Variants in BCL2L1 observed in about 807,000 individuals in gnomAD.
BCL2L1 encodes BCL2 like 1.
In BCL2L1, 1 loss-of-function variant was observed where a neutral mutation model predicts 18.7. The observed-to-expected ratio is 0.05, with a 90% CI of 0.02 to 0.25. The LOEUF (loss-of-function observed/expected upper bound fraction) is 0.25, where lower values mean the gene tolerates loss of function less well. Ranked by LOEUF, BCL2L1 falls within the 10% of genes least tolerant of loss-of-function variation. The pLI is 1.00. For synonymous variants in BCL2L1, 103 were observed against 122.7 expected (o/e 0.84, Z 1.06); for missense variants, 207 against 304.9 (o/e 0.68, Z 2.39).
chr20:31,674,659 C>T (rs868002127), intron 2 of BCL2L1, among the ~76,000 whole-genome samples: 6 of 152,042 alleles, frequency 3.9e-5, no homozygotes, highest in African/African-American at 1.4e-4. Flanking sequence ...TGTTTGAGCT[C>T]AGGAGTTCGA....
intron 2 of BCL2L1, among the ~76,000 whole-genome samples, chr20:31,694,521 C>G (rs1207565527): frequency 6.6e-6 from 1 of 152,054 alleles, no homozygotes; most frequent in Non-Finnish European, 1.5e-5. Flanking sequence ...AGGGCGGGCT[C>G]CTTGAGGGGG....
chr20:31,690,097 T>C (rs536886080), intron 2 of BCL2L1, among the ~76,000 whole-genome samples: 26 of 152,232 alleles, frequency 1.7e-4, no homozygotes, highest in African/African-American at 5.8e-4. Context: ...ACTTTTTTTT[T>C]CCCCCTGTGA....
chr20:31,713,237 G>A (rs1158585434), intron 2 of BCL2L1: 1 of 976,484 alleles, frequency 1.0e-6, no homozygotes, highest in Non-Finnish European at 1.2e-6. Context: ...CTAGGGTAGG[G>A]GGTAATGGCC....
At chr20:31,676,261 G>A (rs2060758086) in intron 2 of BCL2L1, among the ~76,000 whole-genome samples, 1 of 152,178 alleles carries the variant, frequency 6.6e-6, no homozygotes, top group Non-Finnish European at 1.5e-5. Context: ...TAAGTGCTTC[G>A]TGTGTAAAGA....
At chr20:31,701,259 G>A (rs1157585241) in intron 2 of BCL2L1, among the ~76,000 whole-genome samples, 4 of 152,102 alleles carry the variant, frequency 2.6e-5, no homozygotes, top group Non-Finnish European at 5.9e-5. Flanking sequence ...TCACCATGTT[G>A]GCCAAGACGG....
chr20:31,696,795 C>A (rs2061177583), intron 2 of BCL2L1, among the ~76,000 whole-genome samples: 1 of 152,070 alleles, frequency 6.6e-6, no homozygotes, highest in Non-Finnish European at 1.5e-5. Context: ...GTGGCTCACA[C>A]CTGTAATCCT....
At chr20:31,681,152 T>C (rs533796779) in intron 2 of BCL2L1, among the ~76,000 whole-genome samples, 1 of 152,344 alleles carries the variant, frequency 6.6e-6, no homozygotes, top group South Asian at 2.1e-4. Flanking sequence ...ATTTAAAGAC[T>C]TGGGCTTGTC....
At chr20:31,723,308 G>C (rs2061666909), upstream of BCL2L1, 3 of 985,710 alleles carry the variant, frequency 3.0e-6, no homozygotes, top group Non-Finnish European at 3.6e-6. Flanking sequence ...CCGGCGCCCT[G>C]CACAAAGACT....
At chr20:31,719,560 A>C (rs1471741747) in intron 2 of BCL2L1, among the ~76,000 whole-genome samples, 2 of 152,142 alleles carry the variant, frequency 1.3e-5, no homozygotes, top group African/African-American at 4.8e-5. Context: ...GCTCTTCCAC[A>C]CACATCCCCT....
chr20:31,703,263 C>T (rs1440668484), intron 2 of BCL2L1, among the ~76,000 whole-genome samples: 2 of 151,814 alleles, frequency 1.3e-5, no homozygotes, highest in Non-Finnish European at 2.9e-5. Context: ...AGGCTGGTCT[C>T]GAACTCATTA....
chr20:31,713,697 G>A, intron 2 of BCL2L1: 14 of 595,100 alleles, frequency 2.4e-5, no homozygotes, highest in Non-Finnish European at 3.0e-5. Context: ...AAAAAGAGAA[G>A]CCAGATGATG....
intron 1 of BCL2L1, 84 bp downstream of exon 1, chr20:31,722,534 C>T (rs11550478): frequency 6.2e-4 from 137 of 219,914 alleles, no homozygotes; most frequent in Non-Finnish European, 1.0e-3. Context: ...TTTTCTACCC[C>T]CGTCTTCTCC....
intron 2 of BCL2L1, among the ~76,000 whole-genome samples, chr20:31,701,090 T>C (rs2061270746): frequency 6.6e-6 from 1 of 152,170 alleles, no homozygotes; most frequent in Non-Finnish European, 1.5e-5. Flanking sequence ...AGTCTTGCTC[T>C]GTCGCCAGGC....
At chr20:31,708,366 A>G (rs1460697052) in intron 2 of BCL2L1, among the ~76,000 whole-genome samples, 2 of 152,226 alleles carry the variant, frequency 1.3e-5, no homozygotes, top group African/African-American at 2.4e-5. Flanking sequence ...TGTCATTCAC[A>G]TGGAACCCCC....
At chr20:31,716,027 G>A (rs888126728) in intron 2 of BCL2L1, among the ~76,000 whole-genome samples, 3 of 151,940 alleles carry the variant, frequency 2.0e-5, no homozygotes, top group African/African-American at 7.3e-5. Context: ...CATAACTTGG[G>A]TTGCTGCCAC....
At chr20:31,707,005 C>T (rs17093552) in intron 2 of BCL2L1, among the ~76,000 whole-genome samples, 1 of 152,208 alleles carries the variant, frequency 6.6e-6, no homozygotes, top group African/African-American at 2.4e-5. Flanking sequence ...ATCATTCAAA[C>T]CCATGTCAAG....
intron 2 of BCL2L1, among the ~76,000 whole-genome samples, chr20:31,674,561 A>G (rs1449904772): frequency 6.6e-6 from 1 of 152,168 alleles, no homozygotes; most frequent in African/African-American, 2.4e-5. Context: ...AGAGATACTG[A>G]GACCTAGCTA....
At chr20:31,674,874 CAA>C (rs11372425) in intron 2 of BCL2L1, among the ~76,000 whole-genome samples, 25 of 74,700 alleles carry the variant, frequency 3.3e-4, no homozygotes, top group Admixed American at 6.4e-4. Context: ...GACCCCGTCT[CAA>C]AAAAAAAAAA....
At chr20:31,679,333 C>T (rs1027276385) in intron 2 of BCL2L1, among the ~76,000 whole-genome samples, 7 of 152,240 alleles carry the variant, frequency 4.6e-5, no homozygotes, top group Non-Finnish European at 8.8e-5. Flanking sequence ...AATTTCAGAG[C>T]GTCACAGAGA....
Sources: allele counts gnomAD v4.1 joint callset (sites outside exome capture counted in the v4.1 genomes callset), GRCh38; gene constraint gnomAD v4.1.1; transcripts MANE v1.5; gene names NCBI Gene and HGNC (gene_info 2026-07-23, HGNC 2026-07-21).